Variants in CYFIP1 observed in about 807,000 individuals in gnomAD.
CYFIP1 encodes cytoplasmic FMR1-interacting protein 1.
A neutral mutation model predicts 163.5 loss-of-function variants in CYFIP1; 58 were observed. The ratio of observed to expected loss-of-function variants is 0.35; its 90% CI spans 0.29 to 0.44. The LOEUF (loss-of-function observed/expected upper bound fraction) is 0.44. Among genes scored for constraint, CYFIP1 ranks in the 20% least tolerant of loss-of-function variants. CYFIP1 has a pLI of 1.00. For missense variants in CYFIP1, 1,338 were observed against 1,653.8 expected, an observed-to-expected ratio of 0.81 and a Z score of 3.31; for synonymous variants, 663 against 660.7, an observed-to-expected ratio of 1.00 and a Z score of -0.05.
intron 25 of CYFIP1, among the ~76,000 whole-genome samples, 158 bp from the exon 26 acceptor site, chr15:22,880,201 G>A (rs1170018099): frequency 2.0e-5 from 3 of 152,170 alleles, no homozygotes; most frequent in Non-Finnish European, 1.5e-5. Context: ...TCCCTGCAGC[G>A]GTGGTTTATT....
chr15:22,902,314 C>T (rs964245435), intron 22 of CYFIP1, among the ~76,000 whole-genome samples: 3 of 152,168 alleles, frequency 2.0e-5, no homozygotes, highest in South Asian at 2.1e-4. Context: ...CGTCACCTCC[C>T]GGGGTGTGGG....
Position 22,944,672 on chromosome 15 carries a change from G to A in CYFIP1, c.286-13C>T, listed in dbSNP as rs773439857. 1.9e-6 allele frequency: 3 copies of A among 1,607,030 alleles called. No homozygotes were observed. The South Asian group carries it at 3.3e-5, about 18-fold the overall frequency. On this transcript the variant is annotated splice_polypyrimidine_tract_variant and intron_variant, in intron 4 of 30. Coordinates refer to ENST00000617928, the MANE Select transcript of CYFIP1 (RefSeq NM_014608.6). ...CGTTACATTTCACCTGGGAATAAAG[G>A]AACAAGGATGACATAAGAGGCTTTG... is the stretch of plus-strand genomic sequence containing the variant.
intron 21 of CYFIP1, among the ~76,000 whole-genome samples, chr15:22,908,569 G>T (rs1046372251): frequency 1.7e-5 from 2 of 114,716 alleles, no homozygotes; most frequent in Non-Finnish European, 3.3e-5. Context: ...TTGCTCTGTC[G>T]CCCAGGCTGG....
chr15:22,917,099 A>G lies in CYFIP1; in HGVS notation c.1675-469T>C, dbSNP rs2061012215. 1.4e-6 allele frequency: 2 copies of G among 1,467,068 alleles called. No individual in the cohort carries two copies. The highest frequency in any genetic ancestry group is 2.8e-5 in the African/African-American group (2 of 70,664). The allele number at this position is 1,467,068 out of a possible 1,614,324, so 90.9% of individuals were successfully genotyped here. A position where few individuals can be genotyped will look rare whatever the true frequency, so the allele number is the denominator to read the frequency against. On this transcript the variant is annotated intron_variant, in intron 15 of 30. Transcript: ENST00000617928. This position sits in a 1 kb window ranked among gnomAD's most constrained non-coding sequence, Gnocchi z 4.2. ...GTCACTCGACACACACACCCCAGGC[A>G]GGGACACGGGACGCACGCAGAGGGA...
At chr15:22,962,860 G>A (rs902679122) in intron 1 of CYFIP1, among the ~76,000 whole-genome samples, 3 of 152,176 alleles carry the variant, frequency 2.0e-5, no homozygotes, top group South Asian at 2.1e-4. Context: ...CCATGTTGAC[G>A]TGTGCGTGCT....
Position 22,910,577 on chromosome 15 carries a change from C to G in CYFIP1, c.2211G>C (p.Thr737=). The change falls in exon 20 of 31, where the codon ACG becomes ACC. Residue 737 remains threonine (T), a synonymous_variant. Coordinates refer to ENST00000617928, the MANE Select transcript of CYFIP1 (RefSeq NM_014608.6). ...LRSECKNQGA[T]IHLPPSNRYE... is the part of the protein sequence containing the mutation. ...AGCGGTTAGACGGCGGGAGGTGGAT[C>G]GTGGCTCCCTGATTCTTGCATTCTG... 12 of 1,614,172 alleles carry G rather than the reference C, an allele frequency of 7.4e-6. No homozygotes were observed. In the African/African-American group the frequency reaches 1.5e-4, roughly 20 times the overall value.
intron 11 of CYFIP1, among the ~76,000 whole-genome samples, chr15:22,930,334 C>T (rs943368692): frequency 7.0e-6 from 1 of 142,602 alleles, no homozygotes; most frequent in Non-Finnish European, 1.5e-5. Context: ...TGCAGTGAGC[C>T]GAGATTGCAC....
intron 22 of CYFIP1, among the ~76,000 whole-genome samples, chr15:22,902,591 G>C (rs1488060333): frequency 6.6e-6 from 1 of 152,206 alleles, no homozygotes; most frequent in Non-Finnish European, 1.5e-5. Flanking sequence ...AAAATGTTGA[G>C]GAAAATGGAC....
chr15:22,957,631 A>G (rs185710801), intron 1 of CYFIP1, among the ~76,000 whole-genome samples: 5 of 152,184 alleles, frequency 3.3e-5, no homozygotes, highest in African/African-American at 1.2e-4. Flanking sequence ...GCAAGACTCC[A>G]TCTCAAAAAA....
At chr15:22,913,495 T>A (rs750500249) in intron 17 of CYFIP1, among the ~76,000 whole-genome samples, 1 of 107,582 alleles carries the variant, frequency 9.3e-6, no homozygotes, top group Non-Finnish European at 1.7e-5. Context: ...GCCACTGCAC[T>A]CCAGCCTGGG....
intron 3 of CYFIP1, among the ~76,000 whole-genome samples, chr15:22,946,532 T>C (rs901678422): frequency 3.9e-5 from 6 of 152,098 alleles, no homozygotes; most frequent in Admixed American, 1.3e-4. Context: ...TCCCAGCTAC[T>C]CGGGAGGCTG....
intron 1 of CYFIP1, among the ~76,000 whole-genome samples, chr15:22,973,658 T>C (rs530505019): frequency 1.4e-4 from 21 of 152,064 alleles, no homozygotes; most frequent in Non-Finnish European, 2.5e-4. Context: ...CTGGCTTATT[T>C]TGAGGAAATA....
chr15:22,975,747 G>A (rs13380307), intron 1 of CYFIP1, among the ~76,000 whole-genome samples: 7,034 of 152,202 alleles, frequency 0.046, 585 homozygotes, highest in African/African-American at 0.16. Context: ...CAATAAGAGC[G>A]AAACTCCATC....
At chr15:22,976,393 T>C (rs2140284137) in intron 1 of CYFIP1, among the ~76,000 whole-genome samples, 1 of 152,288 alleles carries the variant, frequency 6.6e-6, no homozygotes, top group African/African-American at 2.4e-5. Flanking sequence ...CCTGCCCTTG[T>C]GATCCGCCCG....
intron 12 of CYFIP1, 79 bp from the exon 13 acceptor site, chr15:22,926,186 G>A (rs2061351719): frequency 6.3e-7 from 1 of 1,585,772 alleles, no homozygotes; most frequent in South Asian, 1.1e-5. Context: ...CACGATGGTG[G>A]CCAAAGCCAG....
intron 1 of CYFIP1, among the ~76,000 whole-genome samples, chr15:22,965,180 TG>T (rs1476465414): frequency 1.3e-5 from 2 of 152,180 alleles, no homozygotes; most frequent in Non-Finnish European, 2.9e-5. Context: ...AATTACTGTC[TG>T]GGTGTGGTGG....
chr15:22,898,874 G>A (rs2060311009), intron 22 of CYFIP1, among the ~76,000 whole-genome samples: 1 of 152,096 alleles, frequency 6.6e-6, no homozygotes, highest in Admixed American at 6.5e-5. Context: ...GTGGTGGCGG[G>A]CGACTATAGT....
At chr15:22,909,095 A>T (rs888071718) in intron 21 of CYFIP1, 99 bp downstream of exon 21, 33 of 1,488,420 alleles carry the variant, frequency 2.2e-5, no homozygotes, top group Admixed American at 1.2e-4. Context: ...GAGGCTTGGT[A>T]TAGGCCACGC....
intron 23 of CYFIP1, among the ~76,000 whole-genome samples, chr15:22,884,782 G>A (rs546025279): frequency 1.3e-5 from 2 of 152,310 alleles, no homozygotes; most frequent in East Asian, 3.9e-4. Flanking sequence ...GCAAACCTCT[G>A]CATGGACATT....
Sources: gnomAD v4.1 joint callset for allele counts (sites outside exome capture counted in the v4.1 genomes callset) on GRCh38, gnomAD v4.1.1 for gene constraint, Gnocchi (gnomAD v3.1) non-coding constraint, MANE v1.5 for transcripts, NCBI Gene and HGNC (gene_info 2026-07-23, HGNC 2026-07-21) for gene names.